Variants in PALM observed in about 807,000 individuals in gnomAD.
PALM encodes the protein paralemmin-1.
Under a neutral mutation model 30.7 loss-of-function variants are expected in PALM, and 18 were observed. The observed-to-expected ratio is 0.59, with a 90% CI of 0.41 to 0.87. The LOEUF (loss-of-function observed/expected upper bound fraction) is 0.87. Ranked by LOEUF, PALM falls within the 40% of genes least tolerant of loss-of-function variation. The pLI, the probability that PALM is intolerant of heterozygous loss-of-function variation, is 0.00. For missense variants in PALM, 529 were observed against 555.4 expected (o/e 0.95, Z 0.48); for synonymous variants, 286 against 242.8 (o/e 1.18, Z -1.66).
At chr19:723,332 G>A (rs1415791975) in intron 1 of PALM, among the ~76,000 whole-genome samples, 2 of 152,090 alleles carry the variant, frequency 1.3e-5, no homozygotes, top group African/African-American at 4.8e-5. Context: ...TGTAATTTCA[G>A]TCTCTGGGAA....
chr19:727,808 A>G (rs1599150474), intron 4 of PALM, 114 bp downstream of exon 4: 4 of 1,006,542 alleles, frequency 4.0e-6, no homozygotes, highest in Non-Finnish European at 5.8e-6. Flanking sequence ...AGATGCGTGG[A>G]CCGGGCAGGC....
intron 1 of PALM, among the ~76,000 whole-genome samples, chr19:721,905 A>T (rs1037321751): frequency 2.8e-5 from 4 of 141,466 alleles, no homozygotes; most frequent in South Asian, 4.5e-4. Flanking sequence ...GCCCATTTTT[A>T]AAAATTTTCA....
chr19:731,465 A>G (rs1161420870), intron 5 of PALM, among the ~76,000 whole-genome samples: 1 of 151,866 alleles, frequency 6.6e-6, no homozygotes, highest in African/African-American at 2.4e-5. Flanking sequence ...AAGATGGGGG[A>G]GTAATCAGAG....
At chr19:737,496 C>T (rs983400169) in intron 7 of PALM, among the ~76,000 whole-genome samples, 7 of 152,140 alleles carry the variant, frequency 4.6e-5, no homozygotes, top group South Asian at 2.1e-4. Context: ...ACCTCTACTA[C>T]GGTAGAAAAG....
intron 8 of PALM, among the ~76,000 whole-genome samples, chr19:744,077 C>G (rs1207455182): frequency 6.6e-6 from 1 of 152,136 alleles, no homozygotes; most frequent in Non-Finnish European, 1.5e-5. Context: ...ATCAATCAAA[C>G]TAGGAATTAA....
At position 709,266 on chromosome 19, in the gene PALM, A is replaced by T; in HGVS notation, c.5+115A>T. 3.8e-6 allele frequency: 1 copy of T among 260,468 alleles called. No homozygotes were observed. The highest frequency in any genetic ancestry group is 7.3e-6 in the Non-Finnish European group (1 of 137,148). 16.1% of individuals were successfully genotyped at this position (260,468 alleles called of 1,614,324 possible). ...GGGCGTCGCTGCCCCCGCGAGGAGC[A>T]GGAGGCGGCGCGGGGCTGCTGGGGC... On this transcript the variant is annotated intron_variant, in intron 1 of 8. Transcript: ENST00000338448. The surrounding 1 kb of genome is among the most constrained non-coding windows in gnomAD (Gnocchi z 4.3).
intron 1 of PALM, among the ~76,000 whole-genome samples, chr19:724,058 A>G (rs780373959): frequency 1.6e-4 from 25 of 152,148 alleles, no homozygotes; most frequent in Non-Finnish European, 2.9e-4. Context: ...CGTGTGAACC[A>G]CGGGGCTGCA....
intron 8 of PALM, among the ~76,000 whole-genome samples, chr19:744,643 CA>C (rs2033284908): frequency 6.6e-6 from 1 of 152,174 alleles, no homozygotes; most frequent in Non-Finnish European, 1.5e-5. Context: ...CCTGTAATCC[CA>C]GCACTTTGGG....
Position 746,404 on chromosome 19 carries a change from G to C in PALM, c.754G>C (p.Gly252Arg), listed in dbSNP as rs756745063. The C allele has an allele frequency of 1.2e-6, 2 of 1,612,312 alleles. No individual in the cohort carries two copies. Among genetic ancestry groups the C allele is most frequent in the Non-Finnish European group, 1.7e-6 (2 of 1,179,470 alleles). The stretch of plus-strand genomic sequence containing the variant: ...GCTGAGCGAGGCAGGGTCCACGGCC[G>C]GGGCGGCAGAGACCCGGGGGGCTGT... ...VTLSEAGSTAGAAETRGAVEG... is the reference protein window; with the variant it reads ...VTLSEAGSTARAAETRGAVEG... The change falls in exon 9 of 9, where the codon GGG (glycine) becomes CGG (arginine). Residue 252 changes from glycine to arginine, a missense_variant. Coordinates refer to ENST00000338448, the MANE Select transcript of PALM (RefSeq NM_002579.3). The surrounding 1 kb of genome is among the most constrained non-coding windows in gnomAD (Gnocchi z 7.1).
intron 1 of PALM, among the ~76,000 whole-genome samples, chr19:723,683 T>C (rs1297275968): frequency 1.3e-5 from 2 of 152,126 alleles, no homozygotes; most frequent in African/African-American, 2.4e-5. Context: ...CTCCGCCTCC[T>C]GGGTTCAATC....
At chr19:719,876 G>A (rs1295697887) in intron 1 of PALM, among the ~76,000 whole-genome samples, 1 of 152,214 alleles carries the variant, frequency 6.6e-6, no homozygotes, top group Non-Finnish European at 1.5e-5. Context: ...GAGCGCTGGG[G>A]GAGGCGTTCT....
Position 709,219 on chromosome 19 carries a change from C to A in PALM, c.5+68C>A. On this transcript the variant is annotated intron_variant, in intron 1 of 8. Transcript: ENST00000338448. This position sits in a 1 kb window ranked among gnomAD's most constrained non-coding sequence, Gnocchi z 4.3. ...TCCGGGAGCCGGGGAGGGGGGAGGC[C>A]CCCTCTCTCGCGCCCCATTGGGGGC... is the stretch of plus-strand genomic sequence containing the variant. The A allele has an allele frequency of 3.3e-6, 1 of 303,368 alleles. No individual in the cohort carries two copies. Among genetic ancestry groups the A allele is most frequent in the Non-Finnish European group, 6.1e-6 (1 of 164,410 alleles). 18.8% of individuals were successfully genotyped at this position (303,368 alleles called of 1,614,324 possible).
chr19:719,516 C>T (rs1479815176), intron 1 of PALM: 1 of 985,490 alleles, frequency 1.0e-6, no homozygotes, highest in Non-Finnish European at 1.2e-6. Flanking sequence ...TGCGCGGCTG[C>T]CGGGAGCCAG....
chr19:745,686 G>GGA (rs2033317922), intron 8 of PALM, among the ~76,000 whole-genome samples: 1 of 137,432 alleles, frequency 7.3e-6, no homozygotes, highest in Non-Finnish European at 1.5e-5. Flanking sequence ...CTCCATCTCA[G>GGA]AAAAAAAAAA....
intron 5 of PALM, among the ~76,000 whole-genome samples, chr19:732,849 C>T (rs970610252): frequency 2.0e-5 from 3 of 151,816 alleles, no homozygotes; most frequent in South Asian, 2.1e-4. Flanking sequence ...GTGCCTCATT[C>T]GTGGGAGGGC....
At chr19:725,446 A>G (rs2032628678) in intron 1 of PALM, among the ~76,000 whole-genome samples, 1 of 152,148 alleles carries the variant, frequency 6.6e-6, no homozygotes, top group Admixed American at 6.5e-5. Flanking sequence ...CTGTCATCCC[A>G]GCTACTCAGG....
chr19:712,876 A>G (rs761830378), intron 1 of PALM, among the ~76,000 whole-genome samples: 1 of 152,058 alleles, frequency 6.6e-6, no homozygotes, highest in Non-Finnish European at 1.5e-5. Context: ...AGGTTTCGCC[A>G]TGTTGGGCAG....
At chr19:715,896 G>C (rs1234936973) in intron 1 of PALM, among the ~76,000 whole-genome samples, 1 of 152,186 alleles carries the variant, frequency 6.6e-6, no homozygotes, top group African/African-American at 2.4e-5. Context: ...TGGCTGGGGA[G>C]AAGTAGCCTG....
At position 731,921 on chromosome 19, in the gene PALM, C is replaced by T. The variant is rs924943980; in HGVS notation, c.420+676C>T. ...AGGTGATCCACCCAACCTCGGCCTC[C>T]CAAATTGCTGGGATTACACGCATGA... On this transcript the variant is annotated intron_variant, in intron 5 of 8. Coordinates refer to ENST00000338448, the MANE Select transcript of PALM (RefSeq NM_002579.3). Among the ~76,000 whole-genome samples the T allele has an allele frequency of 2.0e-5, 3 of 152,232 alleles. No homozygotes were observed. The East Asian group carries it at 5.8e-4, about 29-fold the overall frequency.
Sources: allele counts gnomAD v4.1 joint callset (sites outside exome capture counted in the v4.1 genomes callset), GRCh38; gene constraint gnomAD v4.1.1; non-coding constraint Gnocchi (gnomAD v3.1); transcripts MANE v1.5; gene names NCBI Gene and HGNC (gene_info 2026-07-23, HGNC 2026-07-21).